YES1: variants seen among roughly 807,000 people sequenced by gnomAD.
YES1 encodes tyrosine-protein kinase Yes.
Under a neutral mutation model 70.4 loss-of-function variants are expected in YES1, and 39 were observed. The ratio of observed to expected loss-of-function variants is 0.55; its 90% CI spans 0.43 to 0.72. The LOEUF is 0.72. YES1 is among the 30% of genes least tolerant of loss of function. The pLI is 0.00. For missense variants in YES1, 495 were observed against 644.8 expected (o/e 0.77, Z 2.52); for synonymous variants, 198 against 218.6 (o/e 0.91, Z 0.83).
intron 1 of YES1, among the ~76,000 whole-genome samples, chr18:780,098 G>A (rs1905582846): frequency 6.6e-6 from 1 of 152,070 alleles, no homozygotes; most frequent in African/African-American, 2.4e-5. Context: ...GCCAGGCGCT[G>A]TGGCACGCAC....
At chr18:788,806 G>C (rs577391745) in intron 1 of YES1, among the ~76,000 whole-genome samples, 6 of 152,114 alleles carry the variant, frequency 3.9e-5, no homozygotes, top group Non-Finnish European at 7.4e-5. Context: ...TGCGCCTGTA[G>C]TGCCAGCTAG....
At chr18:780,133 G>A (rs906854528) in intron 1 of YES1, among the ~76,000 whole-genome samples, 1 of 152,118 alleles carries the variant, frequency 6.6e-6, no homozygotes, top group African/African-American at 2.4e-5. Flanking sequence ...GATAAGGCAG[G>A]AGAATCACTT....
intron 10 of YES1, among the ~76,000 whole-genome samples, chr18:734,598 TACA>T (rs776241168): frequency 7.9e-5 from 12 of 151,116 alleles, no homozygotes; most frequent in Non-Finnish European, 1.6e-4. Context: ...AACTACAACA[TACA>T]ACATCACTAA....
At chr18:751,554 A>ATG (rs1162806722) in intron 3 of YES1, 151 bp downstream of exon 3, 11 of 571,466 alleles carry the variant, frequency 1.9e-5, no homozygotes, top group Non-Finnish European at 3.4e-5. Context: ...GTGTTGCAAC[A>ATG]TGCATCTATA....
At chr18:798,701 T>C (rs768453126) in intron 1 of YES1, among the ~76,000 whole-genome samples, 1 of 152,196 alleles carries the variant, frequency 6.6e-6, no homozygotes, top group Non-Finnish European at 1.5e-5. Context: ...CCTCCACCAG[T>C]GCGCTTCCTA....
At chr18:773,320 T>C (rs530848317) in intron 1 of YES1, among the ~76,000 whole-genome samples, 69 of 152,312 alleles carry the variant, frequency 4.5e-4, no homozygotes, top group African/African-American at 1.6e-3. Flanking sequence ...TCCTCATACC[T>C]GAACTACTTT....
intron 2 of YES1, among the ~76,000 whole-genome samples, chr18:753,423 T>A (rs187530267): frequency 6.6e-6 from 1 of 152,346 alleles, no homozygotes; most frequent in East Asian, 1.9e-4. Flanking sequence ...TTAGCCAACA[T>A]ATTTTTAATT....
intron 1 of YES1, among the ~76,000 whole-genome samples, chr18:789,277 C>T (rs1906118763): frequency 6.6e-6 from 1 of 151,878 alleles, no homozygotes; most frequent in South Asian, 2.1e-4. Flanking sequence ...AGAACAAAAC[C>T]CACAATTATA....
chr18:750,527 A>G (rs1324372971), intron 3 of YES1, among the ~76,000 whole-genome samples: 1 of 152,216 alleles, frequency 6.6e-6, no homozygotes, highest in Non-Finnish European at 1.5e-5. Flanking sequence ...TGTGACAACC[A>G]AAAATGTCTC....
intron 8 of YES1, among the ~76,000 whole-genome samples, chr18:741,970 T>C (rs2080221445): frequency 6.6e-6 from 1 of 152,184 alleles, no homozygotes; most frequent in Admixed American, 6.5e-5. Context: ...TTCAGTCCCC[T>C]TTTGAGGGGA....
At chr18:797,232 T>C (rs1214365134) in intron 1 of YES1, among the ~76,000 whole-genome samples, 1 of 152,154 alleles carries the variant, frequency 6.6e-6, no homozygotes, top group Non-Finnish European at 1.5e-5. Context: ...CAAGGAGAGA[T>C]GCATAGTAGC....
At chr18:768,754 G>A (rs1905021669) in intron 1 of YES1, among the ~76,000 whole-genome samples, 1 of 152,110 alleles carries the variant, frequency 6.6e-6, no homozygotes, top group Admixed American at 6.6e-5. Flanking sequence ...CCAGCCTGGA[G>A]TGCAGTGGTG....
intron 11 of YES1, among the ~76,000 whole-genome samples, chr18:726,814 AAT>A (rs1354828806): frequency 2.3e-4 from 32 of 139,168 alleles, no homozygotes; most frequent in African/African-American, 8.6e-4. Flanking sequence ...AAAAAAAAAA[AAT>A]TCACATGGTA....
chr18:765,991 T>C (rs1034041620), intron 1 of YES1, among the ~76,000 whole-genome samples: 1 of 152,228 alleles, frequency 6.6e-6, no homozygotes, highest in African/African-American at 2.4e-5. Flanking sequence ...ATCAAGATGT[T>C]TCCTATCATT....
intron 1 of YES1, among the ~76,000 whole-genome samples, chr18:800,486 C>T (rs1317423921): frequency 6.6e-6 from 1 of 152,140 alleles, no homozygotes; most frequent in Non-Finnish European, 1.5e-5. Context: ...AGGAGTTGTA[C>T]TGTAGATATT....
At chr18:726,849 A>C (rs2145660734) in intron 11 of YES1, among the ~76,000 whole-genome samples, 1 of 150,960 alleles carries the variant, frequency 6.6e-6, no homozygotes, top group South Asian at 2.1e-4. Flanking sequence ...ACTGTCAATA[A>C]ATGTAAGGAT....
intron 1 of YES1, among the ~76,000 whole-genome samples, chr18:773,900 C>T (rs1905260594): frequency 6.6e-6 from 1 of 150,744 alleles, no homozygotes; most frequent in Non-Finnish European, 1.5e-5. Flanking sequence ...GGTGTGATCT[C>T]GGCTCACTGC....
At chr18:757,196 T>C (rs2080418791) in intron 1 of YES1, among the ~76,000 whole-genome samples, 2 of 152,200 alleles carry the variant, frequency 1.3e-5, no homozygotes, top group African/African-American at 4.8e-5. Context: ...TTAACCTCTA[T>C]GCACTCCAGT....
At chr18:756,465 G>A in intron 2 of YES1, 92 bp downstream of exon 2, 1 of 1,467,960 alleles carries the variant, frequency 6.8e-7, no homozygotes, top group Non-Finnish European at 9.2e-7. Context: ...CCTCAAGTAA[G>A]ATATCTTTCT....
Sources: gnomAD v4.1 joint callset for allele counts (sites outside exome capture counted in the v4.1 genomes callset) on GRCh38, gnomAD v4.1.1 for gene constraint, MANE v1.5 for transcripts, NCBI Gene and HGNC (gene_info 2026-07-23, HGNC 2026-07-21) for gene names.